KMT2B: variants seen among roughly 807,000 people sequenced by gnomAD.
The protein encoded by KMT2B is histone-lysine N-methyltransferase 2B.
A neutral mutation model predicts 255.3 loss-of-function variants in KMT2B; 22 were observed. That is an observed-to-expected ratio of 0.09 (90% CI 0.06 to 0.12). The LOEUF (loss-of-function observed/expected upper bound fraction) is 0.12. Among genes scored for constraint, KMT2B ranks in the 10% least tolerant of loss-of-function variants. The pLI is 1.00. For missense variants in KMT2B, 3,149 were observed against 3,737.0 expected, an observed-to-expected ratio of 0.84 and a Z score of 4.10; for synonymous variants, 1,730 against 1,498.1, an observed-to-expected ratio of 1.15 and a Z score of -3.57.
chr19:35,722,262 C>T (rs1433524998), intron 3 of KMT2B, 97 bp from the exon 4 acceptor site: 1 of 1,302,372 alleles, frequency 7.7e-7, no homozygotes, highest in Non-Finnish European at 1.0e-6. Context: ...CTCGGCCTCC[C>T]AAAGTGCTGG....
rs896585047 is a variant in KMT2B at position 35,718,242 on chromosome 19, G to A, written c.224G>A (p.Arg75Gln). 29 of 1,192,576 alleles carry A rather than the reference G, an allele frequency of 2.4e-5. No individual in the cohort carries two copies. Among genetic ancestry groups the A allele is most frequent in the African/African-American group, 1.3e-4 (8 of 62,414 alleles). The allele number at this position is 1,192,576 out of a possible 1,614,324, so 73.9% of individuals were successfully genotyped here. A position where few individuals can be genotyped will look rare whatever the true frequency, so the allele number is the denominator to read the frequency against. The part of the protein sequence containing the change: ...TALLRLLGLR[R>Q]GLRRLRRLWA... Reference sequence around the variant, plus strand: ...CTGCTCCGTTTGCTGGGGCTCCGCCGGGGCCTGCGCCGGCTCCGCCGCCTG... The same window carrying A: ...CTGCTCCGTTTGCTGGGGCTCCGCCAGGGCCTGCGCCGGCTCCGCCGCCTG... The change falls in exon 1 of 37, where the codon CGG becomes CAG. Residue 75 changes from arginine to glutamine, a missense_variant. Physicochemically the swap from Arg to Gln is conservative, Grantham distance 43. Coordinates refer to ENST00000420124, the MANE Select transcript of KMT2B (RefSeq NM_014727.3). The surrounding 1 kb of genome is among the most constrained non-coding windows in gnomAD (Gnocchi z 5.0).
Position 35,733,206 on chromosome 19 carries a change from T to A in KMT2B, c.6657T>A (p.Pro2219=). Residue 2219 remains proline (P), a synonymous_variant, in exon 28 of 37, where the codon CCT becomes CCA. Coordinates refer to ENST00000420124, the MANE Select transcript of KMT2B (RefSeq NM_014727.3). This position sits in a 1 kb window ranked among gnomAD's most constrained non-coding sequence, Gnocchi z 4.3. ...EPVPPPVKQP[P]LPPTISPTAP... ...TCCCACCCCCAGTGAAGCAGCCACC[T>A]TTGCCCCCCACCATTTCCCCCACGG... The A allele has an allele frequency of 6.7e-7, 1 of 1,496,926 alleles. No homozygotes were observed. The highest frequency in any genetic ancestry group is 1.2e-5 in the South Asian group (1 of 82,398). 92.7% of individuals were successfully genotyped at this position (1,496,926 alleles called of 1,614,324 possible). A position where few individuals can be genotyped will look rare whatever the true frequency, so the allele number is the denominator to read the frequency against.
intron 23 of KMT2B, 51 bp from the exon 24 acceptor site, chr19:35,730,291 T>C: frequency 6.2e-7 from 1 of 1,605,702 alleles, no homozygotes; most frequent in Non-Finnish European, 8.5e-7. Flanking sequence ...TTCCCTGGCA[T>C]CCACCTCCCC....
chr19:35,724,318 T>C (rs566167552), intron 8 of KMT2B, among the ~76,000 whole-genome samples: 4 of 152,168 alleles, frequency 2.6e-5, no homozygotes, highest in African/African-American at 9.6e-5. Context: ...CTGGGCAACA[T>C]AGTGGGACCC....
At position 35,722,654 on chromosome 19, in the gene KMT2B, G is replaced by A; in HGVS notation, c.2658G>A (p.Val886=). 1 of 1,612,950 alleles carries A rather than the reference G, an allele frequency of 6.2e-7. No homozygotes were observed. The change falls in exon 5 of 37, where the codon GTG becomes GTA. Residue 886 remains valine (V), a synonymous_variant. Coordinates refer to ENST00000420124, the MANE Select transcript of KMT2B (RefSeq NM_014727.3). ...AVALGQARAM[V]PEDVPRLSAL... is the part of the protein sequence containing the mutation. ...CCCTGGGTCAGGCCCGGGCCATGGT[G>A]CCTGAAGATGTCCCTCGCCTCAGTG...
In KMT2B at chr19:35,732,252, G is replaced by A. The variant is rs1383437580; in HGVS notation, c.5703G>A (p.Val1901=). ...PSSLTHHIPT[V]GDPDFPAPPR... ...CACTGACCCACCACATCCCCACAGT[G>A]GGAGACCCGGACTTCCCAGCTCCCC... Residue 1901 remains valine (V), a synonymous_variant, in exon 28 of 37, where the codon GTG becomes GTA. Transcript: ENST00000420124. 2 of 1,605,782 alleles carry A rather than the reference G, an allele frequency of 1.2e-6. No homozygotes were observed. The highest frequency in any genetic ancestry group is 8.5e-7 in the Non-Finnish European group (1 of 1,175,490).
Position 35,732,051 on chromosome 19 carries a change from T to G in KMT2B, c.5581T>G (p.Ser1861Ala). The change falls in exon 27 of 37, where the codon TCG becomes GCG. Residue 1861 changes from serine to alanine, a missense_variant. Physicochemically the swap from Ser to Ala is moderately conservative, Grantham distance 99 (BLOSUM62 1). Coordinates refer to ENST00000420124, the MANE Select transcript of KMT2B (RefSeq NM_014727.3). ...SAPPPAPRSF[S>A]GARIKVPNYS... ...CCCTCCTCCAGCCCCCCGTTCTTTTTCGGGGGCTCGAATCAAAGTGCCCAA... is the reference window on the plus strand; with the variant it reads ...CCCTCCTCCAGCCCCCCGTTCTTTTGCGGGGGCTCGAATCAAAGTGCCCAA... 1 of 1,612,030 alleles carries G rather than the reference T, an allele frequency of 6.2e-7. No individual in the cohort carries two copies. Among genetic ancestry groups the G allele is most frequent in the Non-Finnish European group, 8.5e-7 (1 of 1,179,122 alleles).
chr19:35,723,022 G>A lies in KMT2B; in HGVS notation c.2750G>A (p.Ser917Asn). Residue 917 changes from serine to asparagine, a missense_variant, in exon 6 of 37, where the codon AGT becomes AAT. Coordinates refer to ENST00000420124, the MANE Select transcript of KMT2B (RefSeq NM_014727.3). The surrounding 1 kb of genome is among the most constrained non-coding windows in gnomAD (Gnocchi z 7.5). ...ACATCATCGGCGTCCGAGACTGAGA[G>A]TGTCCCGTCACGGTCCCGGCGGGGA... is the stretch of plus-strand genomic sequence containing the variant. The part of the protein sequence containing the change: ...EDTSSASETE[S>N]VPSRSRRGKV... The A allele has an allele frequency of 6.2e-7, 1 of 1,608,740 alleles. No individual in the cohort carries two copies. The highest frequency in any genetic ancestry group is 1.7e-4 in the Middle Eastern group (1 of 6,004).
At chr19:35,730,200 CAG>C in intron 23 of KMT2B, 75 bp downstream of exon 23, 1 of 1,602,744 alleles carries the variant, frequency 6.2e-7, no homozygotes, top group Non-Finnish European at 8.5e-7. Context: ...CCGTGGCCCC[CAG>C]GCCTGGCCCT....
Position 35,718,380 on chromosome 19 carries a change from A to G in KMT2B, c.362A>G (p.Glu121Gly). Residue 121 changes from glutamate (E) to glycine (G), a missense_variant and splice_region_variant, in exon 1 of 37, where the codon GAG (glutamate) becomes GGG (glycine). Physicochemically the swap from Glu to Gly is moderately conservative, Grantham distance 98. Coordinates refer to ENST00000420124, the MANE Select transcript of KMT2B (RefSeq NM_014727.3). This position sits in a 1 kb window ranked among gnomAD's most constrained non-coding sequence, Gnocchi z 5.0. The part of the protein sequence containing the change: ...EESSDGESDE[E>G]EFQGFHSDED... ...AGCAGTGACGGGGAATCCGACGAGG[A>G]GGTGAGGCGGTTGGAGGCGTCCCCG... 7.9e-7 allele frequency: 1 copy of G among 1,266,042 alleles called. No homozygotes were observed. The allele number at this position is 1,266,042 out of a possible 1,614,324, so 78.4% of individuals were successfully genotyped here.
At chr19:35,735,333 C>T (rs144963197) in intron 30 of KMT2B, 33 of 152,388 alleles carry the variant, frequency 2.2e-4, no homozygotes, top group African/African-American at 7.9e-4. Context: ...TGCCCCCAAC[C>T]CCCAGTGGTC....
chr19:35,737,031 C>G lies in KMT2B; in HGVS notation c.7372+45C>G. Reference sequence around the variant, plus strand: ...GGGGGCAGGGAGCTGGATGTCTCCCCGAGGGCACCATGGGCCCTCCACATG... The same window carrying G: ...GGGGGCAGGGAGCTGGATGTCTCCCGGAGGGCACCATGGGCCCTCCACATG... On this transcript the variant is annotated intron_variant, in intron 32 of 36. Coordinates refer to ENST00000420124, the MANE Select transcript of KMT2B (RefSeq NM_014727.3). The surrounding 1 kb of genome is among the most constrained non-coding windows in gnomAD (Gnocchi z 5.3). 2.5e-6 allele frequency: 4 copies of G among 1,609,430 alleles called. No individual in the cohort carries two copies. Among genetic ancestry groups the G allele is most frequent in the Non-Finnish European group, 1.7e-6 (2 of 1,177,426 alleles).
chr19:35,731,002 G>A (rs748739258), intron 26 of KMT2B, 135 bp downstream of exon 26: 14 of 1,025,012 alleles, frequency 1.4e-5, no homozygotes, highest in South Asian at 1.2e-4. Context: ...ACGGCAGCTC[G>A]CTTACTGCCA....
Position 35,727,191 on chromosome 19 carries a change from GACA to G in KMT2B, c.4042_4044del (p.Asn1348del). 6.2e-7 allele frequency: 1 copy of G among 1,613,510 alleles called. No individual in the cohort carries two copies. The highest frequency in any genetic ancestry group is 8.5e-7 in the Non-Finnish European group (1 of 1,179,754). ...CCCGATCTGTACACGCTGCTATGAA[GACA>G]ACGACTATGAGAGCAAGATGATGCA... is the stretch of plus-strand genomic sequence containing the variant. On this transcript the variant is annotated inframe_deletion, in exon 15 of 37. Coordinates refer to ENST00000420124, the MANE Select transcript of KMT2B (RefSeq NM_014727.3). This position sits in a 1 kb window ranked among gnomAD's most constrained non-coding sequence, Gnocchi z 4.2.
In KMT2B at chr19:35,737,407, C is replaced by T; in HGVS notation, c.7550+144C>T. ...AGAGTTATTTCTAGAGTTAGCCAGG[C>T]TCCGTGGCTCATGCCTGTAATCCCG... On this transcript the variant is annotated intron_variant, in intron 33 of 36. Coordinates refer to ENST00000420124, the MANE Select transcript of KMT2B (RefSeq NM_014727.3). This position sits in a 1 kb window ranked among gnomAD's most constrained non-coding sequence, Gnocchi z 5.3. The T allele has an allele frequency of 1.0e-6, 1 of 988,186 alleles. No homozygotes were observed. The highest frequency in any genetic ancestry group is 1.4e-6 in the Non-Finnish European group (1 of 694,934). The allele number at this position is 988,186 out of a possible 1,614,324, so 61.2% of individuals were successfully genotyped here. A position where few individuals can be genotyped will look rare whatever the true frequency, so the allele number is the denominator to read the frequency against.
At position 35,728,093 on chromosome 19, in the gene KMT2B, C is replaced by T; in HGVS notation, c.4498-5C>T. ...CTCTTCTCATCCTGTTAACCCACTCCCCAGCTGCTAGAATCTGCGTTCGGC... is the reference window on the plus strand; with the variant it reads ...CTCTTCTCATCCTGTTAACCCACTCTCCAGCTGCTAGAATCTGCGTTCGGC... On this transcript the variant is annotated splice_polypyrimidine_tract_variant and splice_region_variant and intron_variant, in intron 18 of 36. Transcript: ENST00000420124. The T allele has an allele frequency of 6.3e-7, 1 of 1,594,048 alleles. No individual in the cohort carries two copies. Among genetic ancestry groups the T allele is most frequent in the Non-Finnish European group, 8.5e-7 (1 of 1,170,734 alleles).
Position 35,737,431 on chromosome 19 carries a change from C to T in KMT2B, c.7550+168C>T, listed in dbSNP as rs1246710805. 2.0e-5 allele frequency: 18 copies of T among 881,968 alleles called. No homozygotes were observed. The highest frequency in any genetic ancestry group is 2.7e-5 in the Non-Finnish European group (16 of 598,588). 54.6% of individuals were successfully genotyped at this position (881,968 alleles called of 1,614,324 possible). ...GCTCCGTGGCTCATGCCTGTAATCC[C>T]GCCACTTTGGGAGGCCGAGGCAGGA... On this transcript the variant is annotated intron_variant, in intron 33 of 36. Coordinates refer to ENST00000420124, the MANE Select transcript of KMT2B (RefSeq NM_014727.3). This position sits in a 1 kb window ranked among gnomAD's most constrained non-coding sequence, Gnocchi z 5.3.
Position 35,726,167 on chromosome 19 carries a change from G to C in KMT2B, c.3886-69G>C, listed in dbSNP as rs1026586113. 9 of 1,183,590 alleles carry C rather than the reference G, an allele frequency of 7.6e-6. No individual in the cohort carries two copies. The Middle Eastern group carries it at 1.0e-3, about 135-fold the overall frequency. The allele number at this position is 1,183,590 out of a possible 1,614,324, so 73.3% of individuals were successfully genotyped here. A position where few individuals can be genotyped will look rare whatever the true frequency, so the allele number is the denominator to read the frequency against. ...TCCTGCATATCCCCAATTCCTCCTC[G>C]CCCGTCTCCCGCTCATGTTGCTCCA... On this transcript the variant is annotated intron_variant, in intron 13 of 36. Coordinates refer to ENST00000420124, the MANE Select transcript of KMT2B (RefSeq NM_014727.3).
rs1969245824 is a variant in KMT2B, at chr19:35,722,220, G to C, written c.2458-139G>C. 12 of 857,804 alleles carry C rather than the reference G, an allele frequency of 1.4e-5. No individual in the cohort carries two copies. The South Asian group carries it at 1.8e-4, about 13-fold the overall frequency. The allele number at this position is 857,804 out of a possible 1,614,324, so 53.1% of individuals were successfully genotyped here. A position where few individuals can be genotyped will look rare whatever the true frequency, so the allele number is the denominator to read the frequency against. On this transcript the variant is annotated intron_variant, in intron 3 of 36. Coordinates refer to ENST00000420124, the MANE Select transcript of KMT2B (RefSeq NM_014727.3). The stretch of plus-strand genomic sequence containing the variant: ...GGGTTTCACCACATTGGCTAGGCTG[G>C]TCTTGAACTCCTGACCTCGTGATCT...
Sources: gnomAD v4.1 joint callset for allele counts (sites outside exome capture counted in the v4.1 genomes callset) on GRCh38, gnomAD v4.1.1 for gene constraint, Gnocchi (gnomAD v3.1) non-coding constraint, MANE v1.5 for transcripts, NCBI Gene and HGNC (gene_info 2026-07-23, HGNC 2026-07-21) for gene names.